The following CLHC1 variants were observed in gnomAD, a reference collection of about 807,000 sequenced individuals.
CLHC1 encodes clathrin heavy chain linker domain containing 1, also known as clathrin heavy chain linker domain-containing protein 1.
Under a neutral mutation model 69.5 loss-of-function variants are expected in CLHC1, and 72 were observed. The ratio of observed to expected loss-of-function variants is 1.04; its 90% CI spans 0.86 to 1.26. The LOEUF (loss-of-function observed/expected upper bound fraction) is 1.26. CLHC1 is among the 50% of genes most tolerant of loss of function. CLHC1 has a pLI of 0.00. For missense variants in CLHC1, 790 were observed against 679.3 expected (o/e 1.16, Z -1.81); for synonymous variants, 223 against 224.3 (o/e 0.99, Z 0.05).
intron 9 of CLHC1, among the ~76,000 whole-genome samples, 173 bp from the exon 10 acceptor site, chr2:55,181,917 A>G (rs1669975938): frequency 6.6e-6 from 1 of 152,148 alleles, no homozygotes; most frequent in Non-Finnish European, 1.5e-5. Context: ...AAATGACTAA[A>G]TATCACGTGC....
At chr2:55,217,785 T>G in intron 4 of CLHC1, 26 bp downstream of exon 4, 1 of 1,436,926 alleles carries the variant, frequency 7.0e-7, no homozygotes, top group Non-Finnish European at 9.3e-7. Flanking sequence ...ACTACCATCT[T>G]TTGGGCTAGT....
chr2:55,223,709 C>A (rs1379701774), intron 2 of CLHC1, among the ~76,000 whole-genome samples: 1 of 152,150 alleles, frequency 6.6e-6, no homozygotes, highest in Non-Finnish European at 1.5e-5. Context: ...ACAGGCACCG[C>A]CCCCAGGAGC....
intron 4 of CLHC1, among the ~76,000 whole-genome samples, chr2:55,213,518 C>T (rs1673203697): frequency 6.6e-6 from 1 of 152,174 alleles, no homozygotes; most frequent in Non-Finnish European, 1.5e-5. Flanking sequence ...GAGACTAGGA[C>T]CTGATGTCTT....
chr2:55,212,300 C>A (rs1170375183), intron 5 of CLHC1, among the ~76,000 whole-genome samples: 1 of 152,048 alleles, frequency 6.6e-6, no homozygotes, highest in Non-Finnish European at 1.5e-5. Flanking sequence ...AAAAGAAAAA[C>A]CTGAAGGTCT....
intron 3 of CLHC1, among the ~76,000 whole-genome samples, chr2:55,219,273 G>C (rs1029441956): frequency 2.0e-5 from 3 of 152,152 alleles, no homozygotes; most frequent in Non-Finnish European, 4.4e-5. Context: ...CAGCTCCCAA[G>C]TCTGTTTGTT....
At chr2:55,230,893 A>G (rs1675251435) in intron 1 of CLHC1, among the ~76,000 whole-genome samples, 1 of 152,184 alleles carries the variant, frequency 6.6e-6, no homozygotes, top group South Asian at 2.1e-4. Context: ...ATTAGAGACA[A>G]TATGTACAAG....
chr2:55,210,905 G>T (rs974263001), intron 5 of CLHC1, among the ~76,000 whole-genome samples: 2 of 152,024 alleles, frequency 1.3e-5, no homozygotes, highest in African/African-American at 4.8e-5. Context: ...GTCTGCCCAG[G>T]CTGGTCTCAA....
intron 12 of CLHC1, among the ~76,000 whole-genome samples, 178 bp from the exon 13 acceptor site, chr2:55,176,164 G>A (rs145630123): frequency 1.8e-4 from 27 of 152,202 alleles, no homozygotes; most frequent in Non-Finnish European, 3.5e-4. Flanking sequence ...GTAAGTACTC[G>A]TGTTAGTTCC....
intron 9 of CLHC1, among the ~76,000 whole-genome samples, chr2:55,190,032 G>A (rs976271818): frequency 1.3e-5 from 2 of 151,946 alleles, no homozygotes; most frequent in Admixed American, 1.3e-4. Flanking sequence ...CCAAAATTCA[G>A]CACCATTAAG....
chr2:55,214,968 A>G (rs1673356416), intron 4 of CLHC1: 2 of 152,210 alleles, frequency 1.3e-5, no homozygotes, highest in Admixed American at 1.3e-4. Flanking sequence ...ATTTTTGACA[A>G]CTTCACTGAG....
chr2:55,224,402 G>C (rs1674489987), intron 2 of CLHC1: 1 of 434,994 alleles, frequency 2.3e-6, no homozygotes, highest in South Asian at 1.8e-5. Context: ...GGTCCTCCTG[G>C]AGGAAAGCTA....
chr2:55,191,859 T>A (rs1670962141), intron 9 of CLHC1, among the ~76,000 whole-genome samples: 2 of 151,708 alleles, frequency 1.3e-5, no homozygotes, highest in South Asian at 4.2e-4. Flanking sequence ...TGAAGTGTGG[T>A]GGTGTGGTGG....
rs762993360 is a variant in CLHC1, at chr2:55,222,251, C to T, written c.161G>A (p.Arg54Gln). The change falls in exon 3 of 13, where the codon CGA becomes CAA. Residue 54 changes from arginine (R) to glutamine (Q), a missense_variant. Transcript: ENST00000401408. ...TTATGATACCTTATCAAAAACATTTCGGTATATGATGTAATATTCATCAGC... is the reference window on the plus strand; with the variant it reads ...TTATGATACCTTATCAAAAACATTTTGGTATATGATGTAATATTCATCAGC... ...GPADEYYIIY[R>Q]NVFDKVIEHI... 4 of 1,611,840 alleles carry T rather than the reference C, an allele frequency of 2.5e-6. No individual in the cohort carries two copies. The highest frequency in any genetic ancestry group is 1.1e-5 in the South Asian group (1 of 90,864).
chr2:55,178,419 T>A (rs1286830625), intron 11 of CLHC1, among the ~76,000 whole-genome samples: 1 of 152,240 alleles, frequency 6.6e-6, no homozygotes, highest in African/African-American at 2.4e-5. Context: ...TATGGGTTAA[T>A]CTCTATTGGG....
intron 8 of CLHC1, among the ~76,000 whole-genome samples, chr2:55,207,653 G>C (rs1341534471): frequency 6.6e-6 from 1 of 152,066 alleles, no homozygotes; most frequent in Non-Finnish European, 1.5e-5. Flanking sequence ...AAAGAATATA[G>C]TCTTACTATG....
rs554948578 is a variant in CLHC1, at chr2:55,176,437, T to C, written c.1565-451A>G. ...ACTTATATAAATGCCTTAGTGGAGC[T>C]AACCCAAGGACTGAAGAAACTCTTT... On this transcript the variant is annotated intron_variant, in intron 12 of 12. Coordinates refer to ENST00000401408, the MANE Select transcript of CLHC1 (RefSeq NM_152385.4). 8.5e-5 allele frequency among the ~76,000 whole-genome samples: 13 copies of C among 152,368 alleles called. No individual in the cohort carries two copies. The South Asian group carries it at 2.3e-3, about 27-fold the overall frequency.
intron 3 of CLHC1, among the ~76,000 whole-genome samples, chr2:55,221,841 G>C (rs1022578250): frequency 2.0e-5 from 3 of 152,256 alleles, no homozygotes; most frequent in African/African-American, 7.2e-5. Context: ...GTCAGGAGTG[G>C]TGGCACAAGT....
intron 2 of CLHC1, among the ~76,000 whole-genome samples, chr2:55,226,336 A>G (rs1674707666): frequency 6.6e-6 from 1 of 152,200 alleles, no homozygotes; most frequent in Non-Finnish European, 1.5e-5. Flanking sequence ...GCAAGGCAAC[A>G]TCGTAACTTT....
chr2:55,177,347 A>G (rs1201740714), intron 12 of CLHC1, among the ~76,000 whole-genome samples: 1 of 152,224 alleles, frequency 6.6e-6, no homozygotes, highest in Admixed American at 6.5e-5. Context: ...TTTTAGTGTT[A>G]GTGATCATAA....
Sources: allele counts gnomAD v4.1 joint callset (sites outside exome capture counted in the v4.1 genomes callset), GRCh38; gene constraint gnomAD v4.1.1; transcripts MANE v1.5; gene names NCBI Gene and HGNC (gene_info 2026-07-23, HGNC 2026-07-21).